The following SLC12A8 variants were observed in gnomAD, a reference collection of about 807,000 sequenced individuals.
SLC12A8 encodes the protein solute carrier family 12 member 8.
Under a neutral mutation model 75.6 loss-of-function variants are expected in SLC12A8, and 69 were observed. The observed-to-expected ratio is 0.91, with a 90% CI of 0.75 to 1.11. The LOEUF (loss-of-function observed/expected upper bound fraction) is 1.11, where lower values mean the gene tolerates loss of function less well. SLC12A8 is among the 50% of genes most tolerant of loss of function. SLC12A8 has a pLI of 0.00. For missense variants in SLC12A8, 877 were observed against 896.7 expected, an observed-to-expected ratio of 0.98 and a Z score of 0.28; for synonymous variants, 365 against 372.8, an observed-to-expected ratio of 0.98 and a Z score of 0.24.
At chr3:125,211,862 T>C (rs1203654103) in intron 1 of SLC12A8, among the ~76,000 whole-genome samples, 2 of 152,090 alleles carry the variant, frequency 1.3e-5, no homozygotes, top group Non-Finnish European at 2.9e-5. Context: ...GAGGCTGTTT[T>C]GGGGCCCTTC....
chr3:125,099,468 A>G (rs1938804868), intron 10 of SLC12A8, among the ~76,000 whole-genome samples: 1 of 152,254 alleles, frequency 6.6e-6, no homozygotes, highest in Non-Finnish European at 1.5e-5. Flanking sequence ...AACATCAAGT[A>G]AAAGAAACTA....
intron 4 of SLC12A8, among the ~76,000 whole-genome samples, chr3:125,184,883 G>A (rs574473082): frequency 4.3e-4 from 65 of 151,930 alleles, no homozygotes; most frequent in Non-Finnish European, 7.8e-4. Flanking sequence ...TATCTAAGCT[G>A]ATCAAGAAAA....
chr3:125,208,843 A>G (rs574314343), intron 2 of SLC12A8, among the ~76,000 whole-genome samples: 11 of 136,686 alleles, frequency 8.0e-5, no homozygotes, highest in African/African-American at 2.6e-4. Flanking sequence ...ATCTGGTCCT[A>G]AAATGATTAA....
At chr3:125,117,045 T>C (rs1399435951) in intron 8 of SLC12A8, among the ~76,000 whole-genome samples, 1 of 152,172 alleles carries the variant, frequency 6.6e-6, no homozygotes, top group Non-Finnish European at 1.5e-5. Flanking sequence ...ATCAGTTCTC[T>C]CACTAACTGA....
At chr3:125,202,015 C>T (rs1471616130) in intron 2 of SLC12A8, among the ~76,000 whole-genome samples, 3 of 152,154 alleles carry the variant, frequency 2.0e-5, no homozygotes, top group Non-Finnish European at 4.4e-5. Context: ...TCAAGTGATT[C>T]TCCCACCTCA....
At chr3:125,199,821 T>C (rs1411947673) in intron 2 of SLC12A8, among the ~76,000 whole-genome samples, 4 of 151,974 alleles carry the variant, frequency 2.6e-5, no homozygotes, top group Non-Finnish European at 5.9e-5. Context: ...AAAAAAATGG[T>C]ATAAACCTTG....
At chr3:125,143,002 C>A (rs1027705493) in intron 5 of SLC12A8, among the ~76,000 whole-genome samples, 1 of 152,204 alleles carries the variant, frequency 6.6e-6, no homozygotes, top group African/African-American at 2.4e-5. Flanking sequence ...GTTAATAAAA[C>A]CTTACTGGCC....
At chr3:125,094,529 C>A (rs1434704737) in intron 10 of SLC12A8, among the ~76,000 whole-genome samples, 2 of 152,162 alleles carry the variant, frequency 1.3e-5, no homozygotes, top group African/African-American at 4.8e-5. Context: ...CTAACTAAGG[C>A]CCATCCCTCC....
chr3:125,141,360 G>A (rs1933631897), intron 5 of SLC12A8, among the ~76,000 whole-genome samples: 1 of 152,206 alleles, frequency 6.6e-6, no homozygotes, highest in African/African-American at 2.4e-5. Flanking sequence ...CTCCCAAGGG[G>A]TGCTCGTGGG....
At chr3:125,116,539 C>T (rs1939316810) in intron 8 of SLC12A8, among the ~76,000 whole-genome samples, 1 of 152,180 alleles carries the variant, frequency 6.6e-6, no homozygotes, top group African/African-American at 2.4e-5. Flanking sequence ...TTTCCACCCA[C>T]AAAGGCTCTC....
intron 7 of SLC12A8, among the ~76,000 whole-genome samples, chr3:125,120,332 G>C (rs1056297450): frequency 2.0e-5 from 3 of 151,908 alleles, no homozygotes; most frequent in Admixed American, 2.0e-4. Context: ...GCGGGAGGCC[G>C]AGGAAAGGAA....
At chr3:125,150,836 G>A (rs747644867) in intron 5 of SLC12A8, among the ~76,000 whole-genome samples, 1 of 152,178 alleles carries the variant, frequency 6.6e-6, no homozygotes, top group Non-Finnish European at 1.5e-5. Context: ...GAAAGGTAGA[G>A]TGCCAGGAGA....
chr3:125,205,984 G>GA (rs1197775833), intron 2 of SLC12A8, among the ~76,000 whole-genome samples: 3 of 151,712 alleles, frequency 2.0e-5, no homozygotes, highest in Non-Finnish European at 4.4e-5. Context: ...TATGCTTAAA[G>GA]AAAAAAAAGA....
intron 4 of SLC12A8, among the ~76,000 whole-genome samples, chr3:125,185,491 C>CA (rs947300098): frequency 3.3e-5 from 5 of 151,412 alleles, no homozygotes; most frequent in Non-Finnish European, 4.4e-5. Context: ...AACTTTCTAT[C>CA]AAAAAAAACC....
chr3:125,097,528 T>TTGTGTGTG (rs147038912), intron 10 of SLC12A8, among the ~76,000 whole-genome samples: 16 of 139,390 alleles, frequency 1.1e-4, no homozygotes, highest in African/African-American at 4.2e-4. Context: ...CTAAAGGGAA[T>TTGTGTGTG]TGTGTGTGTG....
chr3:125,156,045 G>A (rs1438296024), intron 5 of SLC12A8, among the ~76,000 whole-genome samples: 1 of 152,160 alleles, frequency 6.6e-6, no homozygotes, highest in African/African-American at 2.4e-5. Flanking sequence ...GCCACATACA[G>A]AGATAATCCA....
chr3:125,156,958 TTTTG>T lies in SLC12A8; in HGVS notation c.622+20781_622+20784del, dbSNP rs1374470135. ...TGAATTTTAAACTTATTTCTGGTTA[TTTTG>T]TTTGTTTGTTTGCTTGCTTTTCTAA... On this transcript the variant is annotated intron_variant, in intron 5 of 13. Transcript: ENST00000469902. Among the ~76,000 whole-genome samples the T allele has an allele frequency of 2.6e-5, 4 of 152,362 alleles. 1 individual carries two copies. The highest frequency in any genetic ancestry group is 2.1e-4 in the South Asian group (1 of 4,824).
At chr3:125,142,019 G>A (rs1933659813) in intron 5 of SLC12A8, among the ~76,000 whole-genome samples, 1 of 152,214 alleles carries the variant, frequency 6.6e-6, no homozygotes, top group Non-Finnish European at 1.5e-5. Flanking sequence ...CTCAGCAAAG[G>A]AAGTGGGCGC....
At chr3:125,157,916 T>G (rs939553013) in intron 5 of SLC12A8, among the ~76,000 whole-genome samples, 2 of 152,198 alleles carry the variant, frequency 1.3e-5, no homozygotes, top group African/African-American at 4.8e-5. Context: ...GCTTTGGTTC[T>G]GCACATAGTG....
Sources: allele counts gnomAD v4.1 joint callset (sites outside exome capture counted in the v4.1 genomes callset), GRCh38; gene constraint gnomAD v4.1.1; transcripts MANE v1.5; gene names NCBI Gene and HGNC (gene_info 2026-07-23, HGNC 2026-07-21).